Variants in CACNB4 observed in about 807,000 individuals in gnomAD.
CACNB4 encodes the protein calcium voltage-gated channel auxiliary subunit beta 4, also known as voltage-dependent L-type calcium channel subunit beta-4.
In CACNB4, 32 loss-of-function variants were observed where a neutral mutation model predicts 71.2. The ratio of observed to expected loss-of-function variants is 0.45; its 90% CI spans 0.34 to 0.60. The LOEUF (loss-of-function observed/expected upper bound fraction) is 0.60. Among genes scored for constraint, CACNB4 ranks in the 20% least tolerant of loss-of-function variants. CACNB4 has a pLI of 0.01. For missense variants in CACNB4, 464 were observed against 647.9 expected (o/e 0.72, Z 3.08); for synonymous variants, 231 against 236.9 (o/e 0.97, Z 0.23).
intron 2 of CACNB4, among the ~76,000 whole-genome samples, chr2:152,043,928 G>T (rs1026385047): frequency 6.6e-6 from 1 of 151,958 alleles, no homozygotes; most frequent in Non-Finnish European, 1.5e-5. Flanking sequence ...CAAAAGAGCC[G>T]GGCTTGATGG....
intron 2 of CACNB4, among the ~76,000 whole-genome samples, chr2:152,013,967 C>T (rs1441198685): frequency 6.6e-6 from 1 of 152,208 alleles, no homozygotes; most frequent in African/African-American, 2.4e-5. Flanking sequence ...AAGCAAGTCA[C>T]ACCTTTCCTA....
Position 151,883,358 on chromosome 2 carries a change from A to ACT in CACNB4, c.159_160insAG (p.Tyr55ProfsTer40). On this transcript the variant is annotated frameshift_variant, in exon 3 of 14. Transcript: ENST00000539935. LOFTEE classifies it high-confidence loss of function. ...GAGTCAGACGGCCTGCTTGTGTAGGAATCCGCTGAACCCTGGCAAAGAAAA... is the reference window on the plus strand; with the variant it reads ...GAGTCAGACGGCCTGCTTGTGTAGGACTATCCGCTGAACCCTGGCAAAGAAAA... 1 of 1,613,902 alleles carries ACT rather than the reference A, an allele frequency of 6.2e-7. No homozygotes were observed. Among genetic ancestry groups the ACT allele is most frequent in the Non-Finnish European group, 8.5e-7 (1 of 1,179,830 alleles).
intron 2 of CACNB4, among the ~76,000 whole-genome samples, chr2:151,926,756 C>G: frequency 6.6e-6 from 1 of 152,162 alleles, no homozygotes; most frequent in South Asian, 2.1e-4. Context: ...ACAGTAATTA[C>G]TGTACCCATC....
intron 2 of CACNB4, among the ~76,000 whole-genome samples, chr2:151,922,222 A>T (rs1305920331): frequency 6.6e-6 from 1 of 152,084 alleles, no homozygotes; most frequent in African/African-American, 2.4e-5. Context: ...TTTATTTTTG[A>T]GATGGGGGTC....
chr2:151,968,540 A>G (rs1474282100), intron 2 of CACNB4: 1 of 152,218 alleles, frequency 6.6e-6, no homozygotes, highest in African/African-American at 2.4e-5. Context: ...GAGACGGTAA[A>G]GGGGAGACAG....
chr2:151,987,558 A>G (rs1681441290), intron 2 of CACNB4, among the ~76,000 whole-genome samples: 1 of 152,224 alleles, frequency 6.6e-6, no homozygotes, highest in South Asian at 2.1e-4. Context: ...GTCAAAGAAA[A>G]AAGCATTAAC....
Position 151,855,336 on chromosome 2 carries a change from G to A in CACNB4, c.908C>T (p.Ala303Val). ...AAGAACAACCAGTTGCAAAGATCTT[G>A]CCAACTCAAAGATTCTTTCAATTTC... ...QSEIERIFELARSLQLVVLDA... is the reference protein window; with the variant it reads ...QSEIERIFELVRSLQLVVLDA... Residue 303 changes from alanine (A) to valine (V), a missense_variant, in exon 11 of 14, where the codon GCA becomes GTA. By Grantham distance (64) the Ala-to-Val change is moderately conservative. Transcript: ENST00000539935. 6.3e-7 allele frequency: 1 copy of A among 1,599,296 alleles called. No individual in the cohort carries two copies. Among genetic ancestry groups the A allele is most frequent in the Non-Finnish European group, 8.6e-7 (1 of 1,168,168 alleles).
chr2:152,057,059 C>T (rs1290952480), intron 2 of CACNB4, among the ~76,000 whole-genome samples: 2 of 152,110 alleles, frequency 1.3e-5, no homozygotes, highest in Non-Finnish European at 2.9e-5. Context: ...GGATGTCACT[C>T]CCCTAATCAA....
intron 2 of CACNB4, among the ~76,000 whole-genome samples, chr2:151,927,787 G>C (rs1281494257): frequency 6.6e-6 from 1 of 152,228 alleles, no homozygotes; most frequent in Non-Finnish European, 1.5e-5. Flanking sequence ...CAATGCAACA[G>C]AACAGCAAGA....
intron 2 of CACNB4, among the ~76,000 whole-genome samples, chr2:151,895,096 C>CCCCCCCA (rs762464510): frequency 9.0e-5 from 2 of 22,288 alleles, no homozygotes; most frequent in Non-Finnish European, 5.4e-4. Context: ...TCAAATAGCC[C>CCCCCCCA]CACACACACA....
chr2:151,885,323 A>G (rs1224420922), intron 2 of CACNB4, among the ~76,000 whole-genome samples: 3 of 152,234 alleles, frequency 2.0e-5, no homozygotes, highest in South Asian at 2.1e-4. Context: ...AGTTCTTGCT[A>G]TCACACCAGC....
intron 2 of CACNB4, among the ~76,000 whole-genome samples, chr2:152,069,385 A>C (rs1331179987): frequency 2.0e-5 from 3 of 152,130 alleles, no homozygotes; most frequent in African/African-American, 7.2e-5. Flanking sequence ...CAAGACCTCA[A>C]AGCCTCCTAG....
intron 2 of CACNB4, among the ~76,000 whole-genome samples, chr2:152,042,731 C>T (rs974352357): frequency 6.6e-6 from 1 of 151,978 alleles, no homozygotes; most frequent in East Asian, 1.9e-4. Context: ...GCGTTTGAAC[C>T]AGAGCAACTC....
chr2:152,062,733 C>T (rs959502054), intron 2 of CACNB4, among the ~76,000 whole-genome samples: 21 of 152,122 alleles, frequency 1.4e-4, no homozygotes, highest in Non-Finnish European at 1.8e-4. Flanking sequence ...CAATGACAGA[C>T]GGGAAGCATT....
chr2:152,052,345 G>C (rs1271870304), intron 2 of CACNB4, among the ~76,000 whole-genome samples: 1 of 152,118 alleles, frequency 6.6e-6, no homozygotes, highest in Non-Finnish European at 1.5e-5. Context: ...CTGTCGCCTA[G>C]GCTGGAGTAC....
chr2:151,872,475 A>G lies in CACNB4; in HGVS notation c.540T>C (p.Ser180=). The G allele has an allele frequency of 6.3e-7, 1 of 1,597,396 alleles. No individual in the cohort carries two copies. ...ATACCATTTCTCCAAGACTTGAAGA[A>G]GAATTTCCACTTGATTTCCTAGGAT... ...RFHGGKSSGN[S]SSSLGEMVSG... is the part of the protein sequence containing the mutation. The change falls in exon 6 of 14, where the codon TCT becomes TCC. Residue 180 remains serine, a synonymous_variant. Transcript: ENST00000539935.
chr2:151,881,879 CTTT>C (rs34072100), intron 3 of CACNB4, among the ~76,000 whole-genome samples: 7 of 133,022 alleles, frequency 5.3e-5, no homozygotes, highest in Admixed American at 7.6e-5. Context: ...CTCCTCCCAT[CTTT>C]TTTTTTTTTT....
intron 8 of CACNB4, 105 bp downstream of exon 8, chr2:151,870,426 T>C: frequency 1.1e-6 from 1 of 910,014 alleles, no homozygotes. Context: ...AGCACTGGCT[T>C]CCATCAGGAC....
chr2:152,084,852 T>C (rs1004177482), intron 2 of CACNB4, among the ~76,000 whole-genome samples: 8 of 152,018 alleles, frequency 5.3e-5, no homozygotes, highest in African/African-American at 1.9e-4. Context: ...CTCAAACTCC[T>C]GGGCACAAAC....
Sources: allele counts gnomAD v4.1 joint callset (sites outside exome capture counted in the v4.1 genomes callset), GRCh38; gene constraint gnomAD v4.1.1; transcripts MANE v1.5; gene names NCBI Gene and HGNC (gene_info 2026-07-23, HGNC 2026-07-21).